Variants in MAP3K13 observed in about 807,000 individuals in gnomAD.
MAP3K13 encodes leucine zipper-bearing kinase.
MAP3K13 carries 52 observed loss-of-function variants against 104.0 expected under a neutral mutation model. The ratio of observed to expected loss-of-function variants is 0.50; its 90% CI spans 0.40 to 0.63. The LOEUF (loss-of-function observed/expected upper bound fraction) is 0.63. Ranked by LOEUF, MAP3K13 falls within the 20% of genes least tolerant of loss-of-function variation. The probability of loss-of-function intolerance (pLI) is 0.00; values close to 1 mark genes in which losing one functional copy is unlikely to be tolerated. For synonymous variants in MAP3K13, 394 were observed against 442.2 expected (o/e 0.89, Z 1.37); for missense variants, 914 against 1,218.5 (o/e 0.75, Z 3.72).
chr3:185,319,242 C>A (rs1286420697), intron 2 of MAP3K13, among the ~76,000 whole-genome samples: 1 of 152,138 alleles, frequency 6.6e-6, no homozygotes, highest in African/African-American at 2.4e-5. Context: ...AATTTCCTAG[C>A]AGATGAGTTG....
chr3:185,418,730 A>T lies in MAP3K13; in HGVS notation c.-85-9767A>T. 1 of 1,609,716 alleles carries T rather than the reference A, an allele frequency of 6.2e-7. No individual in the cohort carries two copies. The highest frequency in any genetic ancestry group is 8.5e-7 in the Non-Finnish European group (1 of 1,177,022). On this transcript the variant is annotated intron_variant, in intron 1 of 13. Coordinates refer to ENST00000265026, the MANE Select transcript of MAP3K13 (RefSeq NM_004721.5). The surrounding 1 kb of genome is among the most constrained non-coding windows in gnomAD (Gnocchi z 4.5). ...GGCTAAGTGACATTTTTGCCAGATGACTCCCCCTTTTCGGAGTACACCGAT... is the reference window on the plus strand; with the variant it reads ...GGCTAAGTGACATTTTTGCCAGATGTCTCCCCCTTTTCGGAGTACACCGAT...
intron 1 of MAP3K13, among the ~76,000 whole-genome samples, chr3:185,380,169 A>T (rs1387218835): frequency 6.8e-6 from 1 of 148,048 alleles, no homozygotes; most frequent in Admixed American, 6.8e-5. Context: ...CTAGGCGACA[A>T]AGTGAGGCTC....
At position 185,428,939 on chromosome 3, in the gene MAP3K13, T is replaced by A. The variant is rs200728282; in HGVS notation, c.358T>A (p.Phe120Ile). ...TSGTEDIKIQ[F>I]SRSGSGSGGF... ...CGGAACTGAAGACATAAAGATTCAGTTCAGCAGGTCAGGCAGTGGCAGTGG... is the reference window on the plus strand; with the variant it reads ...CGGAACTGAAGACATAAAGATTCAGATCAGCAGGTCAGGCAGTGGCAGTGG... Residue 120 changes from phenylalanine (F) to isoleucine (I), a missense_variant, in exon 2 of 14, where the codon TTC (phenylalanine) becomes ATC (isoleucine). Coordinates refer to ENST00000265026, the MANE Select transcript of MAP3K13 (RefSeq NM_004721.5). 70 of 1,614,014 alleles carry A rather than the reference T, an allele frequency of 4.3e-5. No individual in the cohort carries two copies. Among genetic ancestry groups the A allele is most frequent in the Non-Finnish European group, 5.3e-5 (63 of 1,180,038 alleles).
intron 1 of MAP3K13, among the ~76,000 whole-genome samples, chr3:185,368,324 C>T (rs1723988571): frequency 6.6e-6 from 1 of 152,146 alleles, no homozygotes; most frequent in African/African-American, 2.4e-5. Context: ...ATTCCTAGTT[C>T]TGTTCTCTTT....
chr3:185,460,583 C>A (rs1206900204), intron 7 of MAP3K13, among the ~76,000 whole-genome samples: 1 of 152,162 alleles, frequency 6.6e-6, no homozygotes, highest in Admixed American at 6.5e-5. Flanking sequence ...TCATATGTGC[C>A]CAGACATGGC....
At chr3:185,293,102 TCTTTTC>T in intron 2 of MAP3K13, 1 of 910,562 alleles carries the variant, frequency 1.1e-6, no homozygotes. Context: ...GTTCTTTCTT[TCTTTTC>T]CTTTTCCTTT....
chr3:185,430,278 T>C (rs1714668690), intron 2 of MAP3K13, among the ~76,000 whole-genome samples: 1 of 152,220 alleles, frequency 6.6e-6, no homozygotes, highest in African/African-American at 2.4e-5. Context: ...AATATTACAC[T>C]TTTGAAGCCC....
At chr3:185,329,193 C>T (rs1195998636) in intron 2 of MAP3K13, 1 of 702,286 alleles carries the variant, frequency 1.4e-6, no homozygotes, top group South Asian at 1.5e-5. Context: ...CCCGTGTGCA[C>T]GAAATGATTT....
At position 185,364,736 on chromosome 3, in the gene MAP3K13, A is replaced by G. The variant is rs150922353; in HGVS notation, c.-86+1368A>G. The stretch of plus-strand genomic sequence containing the variant: ...TGAGTACATTTGAACTTGCTGGAGT[A>G]ATAGAGGGAAAACCTCTGCCTGATT... On this transcript the variant is annotated intron_variant, in intron 1 of 13. Transcript: ENST00000265026. 3.0e-3 allele frequency among the ~76,000 whole-genome samples: 450 copies of G among 152,304 alleles called. 5 individuals carry two copies. Among genetic ancestry groups the G allele is most frequent in the African/African-American group, 1.0e-2 (414 of 41,566 alleles).
intron 2 of MAP3K13, among the ~76,000 whole-genome samples, chr3:185,346,490 T>C (rs886344538): frequency 6.6e-6 from 1 of 152,242 alleles, no homozygotes. Flanking sequence ...CATTTTAGTA[T>C]ACAACCTGTA....
At chr3:185,296,929 G>A (rs1720936681) in intron 2 of MAP3K13, among the ~76,000 whole-genome samples, 1 of 152,180 alleles carries the variant, frequency 6.6e-6, no homozygotes, top group Non-Finnish European at 1.5e-5. Flanking sequence ...AAATGTAATA[G>A]TATTAAAGTG....
At chr3:185,319,962 G>A (rs1264354474) in intron 2 of MAP3K13, among the ~76,000 whole-genome samples, 1 of 152,154 alleles carries the variant, frequency 6.6e-6, no homozygotes, top group Non-Finnish European at 1.5e-5. Flanking sequence ...TTACTTATGA[G>A]AGCTGTAATT....
chr3:185,397,759 A>G (rs895334033), intron 1 of MAP3K13, among the ~76,000 whole-genome samples: 1 of 152,092 alleles, frequency 6.6e-6, no homozygotes, highest in African/African-American at 2.4e-5. Context: ...AAGAGACACA[A>G]AAACACATTT....
At chr3:185,285,990 A>T (rs1390884967) in intron 2 of MAP3K13, among the ~76,000 whole-genome samples, 1 of 152,156 alleles carries the variant, frequency 6.6e-6, no homozygotes, top group Non-Finnish European at 1.5e-5. Context: ...ATAGTCATTT[A>T]AATTATCTTG....
chr3:185,363,418 G>C lies in MAP3K13; in HGVS notation c.-86+50G>C, dbSNP rs751268953. The C allele has an allele frequency of 3.3e-4, 294 of 885,054 alleles. 1 individual carries two copies. Among genetic ancestry groups the C allele is most frequent in the Non-Finnish European group, 3.7e-4 (277 of 738,772 alleles). The allele number at this position is 885,054 out of a possible 1,614,324, so 54.8% of individuals were successfully genotyped here. A position where few individuals can be genotyped will look rare whatever the true frequency, so the allele number is the denominator to read the frequency against. The stretch of plus-strand genomic sequence containing the variant: ...TGTTTCTTCAGTATTTATTTCACAA[G>C]GACAGACAGAGAATGTGTGATTTGA... On this transcript the variant is annotated intron_variant, in intron 1 of 13. Coordinates refer to ENST00000265026, the MANE Select transcript of MAP3K13 (RefSeq NM_004721.5).
chr3:185,289,972 T>C (rs571533231), intron 2 of MAP3K13, among the ~76,000 whole-genome samples: 1 of 152,324 alleles, frequency 6.6e-6, no homozygotes, highest in Admixed American at 6.5e-5. Flanking sequence ...CTCCAGTCTA[T>C]TAATTAAGTT....
At position 185,480,225 on chromosome 3, in the gene MAP3K13, G is replaced by C; in HGVS notation, c.2502-7G>C. The stretch of plus-strand genomic sequence containing the variant: ...GACTAAGTTCTCCTGGTTCTTCTTG[G>C]TTCTAGGCCCCATCGCTGTATCAGC... On this transcript the variant is annotated splice_polypyrimidine_tract_variant and splice_region_variant and intron_variant, in intron 12 of 13. Transcript: ENST00000265026. 1.9e-6 allele frequency: 3 copies of C among 1,612,870 alleles called. No homozygotes were observed. Among genetic ancestry groups the C allele is most frequent in the Non-Finnish European group, 2.5e-6 (3 of 1,179,468 alleles).
chr3:185,475,940 G>A (rs1190910401), intron 11 of MAP3K13, among the ~76,000 whole-genome samples: 1 of 152,188 alleles, frequency 6.6e-6, no homozygotes, highest in Non-Finnish European at 1.5e-5. Flanking sequence ...CCGATGGCCA[G>A]TAACTTGTAT....
intron 10 of MAP3K13, among the ~76,000 whole-genome samples, chr3:185,468,462 C>G (rs762867425): frequency 2.0e-5 from 3 of 152,058 alleles, no homozygotes; most frequent in South Asian, 2.1e-4. Context: ...TTTTCCTTAC[C>G]AAACTCTGTA....
Sources: allele counts gnomAD v4.1 joint callset (sites outside exome capture counted in the v4.1 genomes callset), GRCh38; gene constraint gnomAD v4.1.1; non-coding constraint Gnocchi (gnomAD v3.1); transcripts MANE v1.5; gene names NCBI Gene and HGNC (gene_info 2026-07-23, HGNC 2026-07-21).